The following ADARB1 variants were observed in gnomAD, a reference collection of about 807,000 sequenced individuals.
The protein encoded by ADARB1 is adenosine deaminase RNA specific B1.
In ADARB1, 10 loss-of-function variants were observed where a neutral mutation model predicts 52.4. That is an observed-to-expected ratio of 0.19 (90% CI 0.12 to 0.32). The LOEUF is 0.32. Among genes scored for constraint, ADARB1 ranks in the 10% least tolerant of loss-of-function variants. The pLI, the probability that ADARB1 is intolerant of heterozygous loss-of-function variation, is 1.00. For synonymous variants in ADARB1, 349 were observed against 371.1 expected (o/e 0.94, Z 0.68); for missense variants, 643 against 922.3 (o/e 0.70, Z 3.92).
At chr21:45,211,849 C>G (rs764951825) in intron 9 of ADARB1, among the ~76,000 whole-genome samples, 1 of 152,206 alleles carries the variant, frequency 6.6e-6, no homozygotes, top group Non-Finnish European at 1.5e-5. Flanking sequence ...ATCTCACTCA[C>G]GTCAGCCCCC....
At chr21:45,085,900 A>G (rs2086322197) in intron 1 of ADARB1, among the ~76,000 whole-genome samples, 1 of 152,230 alleles carries the variant, frequency 6.6e-6, no homozygotes, top group Non-Finnish European at 1.5e-5. Flanking sequence ...CGTGCAGCTC[A>G]CCTTGAATTC....
At chr21:45,109,176 C>T (rs972246619) in intron 1 of ADARB1, among the ~76,000 whole-genome samples, 29 of 144,066 alleles carry the variant, frequency 2.0e-4, no homozygotes, top group African/African-American at 6.4e-4. Context: ...TGTGTGCGCG[C>T]GTGTGCGTAT....
intron 1 of ADARB1, among the ~76,000 whole-genome samples, chr21:45,121,512 C>T (rs2088187672): frequency 2.0e-5 from 3 of 152,184 alleles, no homozygotes; most frequent in Admixed American, 2.0e-4. Flanking sequence ...TGTCTGGGTT[C>T]ATGCTTATTT....
chr21:45,117,821 C>T (rs2087916101), intron 1 of ADARB1, among the ~76,000 whole-genome samples: 1 of 152,178 alleles, frequency 6.6e-6, no homozygotes, highest in Non-Finnish European at 1.5e-5. Context: ...TTTCCTCTTT[C>T]TCCCTCCCCA....
chr21:45,151,935 A>G (rs1158782944), intron 2 of ADARB1, among the ~76,000 whole-genome samples: 1 of 152,218 alleles, frequency 6.6e-6, no homozygotes, highest in Non-Finnish European at 1.5e-5. Context: ...CACCTGGGGC[A>G]TGAGCTGTGC....
chr21:45,141,157 A>G (rs144083179), intron 2 of ADARB1, among the ~76,000 whole-genome samples: 240 of 152,276 alleles, frequency 1.6e-3, no homozygotes, highest in African/African-American at 5.2e-3. Flanking sequence ...GATTGTGCCA[A>G]TGCACTCCAG....
intron 2 of ADARB1, chr21:45,152,631 C>A: frequency 2.2e-6 from 1 of 450,032 alleles, no homozygotes; most frequent in South Asian, 1.6e-5. Flanking sequence ...ACCACTGGGC[C>A]TTTGCACATG....
intron 2 of ADARB1, among the ~76,000 whole-genome samples, chr21:45,163,217 A>C (rs2091070840): frequency 1.3e-5 from 2 of 152,230 alleles, no homozygotes; most frequent in Non-Finnish European, 2.9e-5. Flanking sequence ...TGATTTAAGG[A>C]CTTAGAGGTC....
chr21:45,083,306 GC>G (rs1568991422), intron 1 of ADARB1, among the ~76,000 whole-genome samples: 1 of 152,042 alleles, frequency 6.6e-6, no homozygotes, highest in Non-Finnish European at 1.5e-5. Flanking sequence ...TCCCTACACT[GC>G]CCCCCCATCC....
chr21:45,116,615 G>T (rs979033296), intron 1 of ADARB1, among the ~76,000 whole-genome samples: 5 of 152,246 alleles, frequency 3.3e-5, no homozygotes, highest in Admixed American at 6.5e-5. Flanking sequence ...GCATGACTGA[G>T]AAGGCCTCAG....
At chr21:45,199,966 A>G (rs2092514200) in intron 8 of ADARB1, among the ~76,000 whole-genome samples, 2 of 152,222 alleles carry the variant, frequency 1.3e-5, no homozygotes, top group African/African-American at 4.8e-5. Flanking sequence ...CTTTACCTCA[A>G]GGAAGAAACA....
Position 45,224,171 on chromosome 21 carries a change from G to T in ADARB1, c.*1974G>T, listed in dbSNP as rs2093015849. ...TATTTTTTTCTAATGGGGATTGGGA[G>T]ATGGACTTCGTTTTTAAAAATATGT... is the stretch of plus-strand genomic sequence containing the variant. On this transcript the variant is annotated 3_prime_UTR_variant, in exon 11 of 11. Coordinates refer to ENST00000348831, the MANE Select transcript of ADARB1 (RefSeq NM_001112.4). 2.3e-5 allele frequency: 23 copies of T among 985,486 alleles called. No individual in the cohort carries two copies. The highest frequency in any genetic ancestry group is 2.8e-5 in the Non-Finnish European group (23 of 829,960). The allele number at this position is 985,486 out of a possible 1,614,324, so 61.0% of individuals were successfully genotyped here.
At chr21:45,211,430 T>C (rs1039363930) in intron 9 of ADARB1, among the ~76,000 whole-genome samples, 6 of 152,220 alleles carry the variant, frequency 3.9e-5, no homozygotes, top group Admixed American at 3.9e-4. Context: ...AAAGGCCACT[T>C]TCAGTCGAGA....
chr21:45,181,114 A>G (rs902127510), intron 5 of ADARB1, among the ~76,000 whole-genome samples: 3 of 152,188 alleles, frequency 2.0e-5, no homozygotes, highest in African/African-American at 7.2e-5. Context: ...TGTACCCAGC[A>G]TCTGCTCAGC....
At chr21:45,215,799 T>G (rs1342423307) in intron 9 of ADARB1, among the ~76,000 whole-genome samples, 1 of 152,230 alleles carries the variant, frequency 6.6e-6, no homozygotes, top group Non-Finnish European at 1.5e-5. Context: ...TGTAGGGATA[T>G]TGGGCTATCA....
rs1443362027 is a variant in ADARB1, at chr21:45,225,499, C to T, written c.*3302C>T. 8.4e-6 allele frequency: 11 copies of T among 1,316,096 alleles called. No homozygotes were observed. The highest frequency in any genetic ancestry group is 3.1e-5 in the South Asian group (1 of 32,472). 81.5% of individuals were successfully genotyped at this position (1,316,096 alleles called of 1,614,324 possible). ...CATATTTATCTCCAGGCTGTGGAAT[C>T]GCCACTTTCTTTGTGAAGACAGTGT... On this transcript the variant is annotated 3_prime_UTR_variant, in exon 11 of 11. Transcript: ENST00000348831.
intron 9 of ADARB1, among the ~76,000 whole-genome samples, chr21:45,205,634 G>C (rs1021413591): frequency 2.6e-5 from 4 of 152,196 alleles, no homozygotes; most frequent in African/African-American, 7.2e-5. Flanking sequence ...TCCCTTCATT[G>C]CTGGTTTTCT....
chr21:45,224,550 TGGG>T lies in ADARB1; in HGVS notation c.*2357_*2359del. Reference sequence around the variant, plus strand: ...GGGGAGCCCTGGGCGGGGCGGCTGTTGGGGGGAACTGGGTTCGGGGTGCCCTGG... The same window carrying T: ...GGGGAGCCCTGGGCGGGGCGGCTGTTGGGAACTGGGTTCGGGGTGCCCTGG... On this transcript the variant is annotated 3_prime_UTR_variant, in exon 11 of 11. Coordinates refer to ENST00000348831, the MANE Select transcript of ADARB1 (RefSeq NM_001112.4). 2 of 345,732 alleles carry T rather than the reference TGGG, an allele frequency of 5.8e-6. No homozygotes were observed. The highest frequency in any genetic ancestry group is 7.0e-6 in the Non-Finnish European group (2 of 286,426). 21.4% of individuals were successfully genotyped at this position (345,732 alleles called of 1,614,324 possible). A position where few individuals can be genotyped will look rare whatever the true frequency, so the allele number is the denominator to read the frequency against.
At chr21:45,199,212 G>A (rs1035508631) in intron 8 of ADARB1, among the ~76,000 whole-genome samples, 2 of 152,108 alleles carry the variant, frequency 1.3e-5, no homozygotes, top group South Asian at 2.1e-4. Flanking sequence ...TCTTTGTCCC[G>A]CACCATCTAA....
Sources: allele counts gnomAD v4.1 joint callset (sites outside exome capture counted in the v4.1 genomes callset), GRCh38; gene constraint gnomAD v4.1.1; transcripts MANE v1.5; gene names NCBI Gene and HGNC (gene_info 2026-07-23, HGNC 2026-07-21).